The following IMMP2L variants were observed in gnomAD, a reference collection of about 807,000 sequenced individuals.
IMMP2L encodes the protein mitochondrial inner membrane protease subunit 2.
In IMMP2L, 18 loss-of-function variants were observed where a neutral mutation model predicts 19.3. The ratio of observed to expected loss-of-function variants is 0.93; its 90% CI spans 0.64 to 1.38. The LOEUF (loss-of-function observed/expected upper bound fraction) is 1.38, where lower values mean the gene tolerates loss of function less well. Ranked by LOEUF, IMMP2L falls within the 40% of genes most tolerant of loss-of-function variation. IMMP2L has a pLI of 0.00. For missense variants in IMMP2L, 233 were observed against 218.2 expected, an observed-to-expected ratio of 1.07 and a Z score of -0.43; for synonymous variants, 76 against 73.0, an observed-to-expected ratio of 1.04 and a Z score of -0.21.
intron 2 of IMMP2L, among the ~76,000 whole-genome samples, chr7:111,487,808 A>G (rs1203377965): frequency 6.6e-6 from 1 of 152,134 alleles, no homozygotes; most frequent in Admixed American, 6.5e-5. Context: ...GGGGCAAAAG[A>G]AAGATGTGAT....
In IMMP2L at chr7:111,023,488, A is replaced by G. The variant is rs111562378; in HGVS notation, c.240-59923T>C. Among the ~76,000 whole-genome samples, 91 of 151,672 alleles carry G rather than the reference A, an allele frequency of 6.0e-4. 1 individual carries two copies. Among genetic ancestry groups the G allele is most frequent in the African/African-American group, 2.1e-3 (86 of 41,336 alleles). On this transcript the variant is annotated intron_variant, in intron 3 of 5. Transcript: ENST00000405709. ...GGCCAAGGTGGGTGGATCACCTGAG[A>G]TCAGGAGTTCAAGACCAGCCTGGCC...
chr7:111,444,067 T>C (rs959895802), intron 3 of IMMP2L, among the ~76,000 whole-genome samples: 4 of 152,160 alleles, frequency 2.6e-5, no homozygotes, highest in East Asian at 1.9e-4. Context: ...TCTTTAAATG[T>C]TGTGTTTCTA....
intron 3 of IMMP2L, among the ~76,000 whole-genome samples, chr7:111,085,778 A>G (rs940065100): frequency 3.9e-5 from 6 of 152,368 alleles, no homozygotes; most frequent in East Asian, 1.9e-4. Context: ...AATGTGGTAC[A>G]TAAACACCAA....
chr7:111,186,886 T>C (rs571198219), intron 3 of IMMP2L, among the ~76,000 whole-genome samples: 1 of 152,200 alleles, frequency 6.6e-6, no homozygotes, highest in African/African-American at 2.4e-5. Flanking sequence ...CACATTTACT[T>C]TTGAAAACTG....
At chr7:110,915,787 T>C (rs542218580) in intron 4 of IMMP2L, among the ~76,000 whole-genome samples, 7 of 151,486 alleles carry the variant, frequency 4.6e-5, no homozygotes, top group African/African-American at 7.4e-5. Flanking sequence ...AAATAAAACA[T>C]TATACTGCAA....
intron 5 of IMMP2L, among the ~76,000 whole-genome samples, chr7:110,726,842 A>G (rs528817397): frequency 1.3e-5 from 2 of 152,274 alleles, no homozygotes; most frequent in South Asian, 4.1e-4. Context: ...CCAATGCCCA[A>G]ATTACTCTGG....
chr7:111,076,851 T>C (rs1795458927), intron 3 of IMMP2L, among the ~76,000 whole-genome samples: 1 of 152,182 alleles, frequency 6.6e-6, no homozygotes, highest in Non-Finnish European at 1.5e-5. Context: ...CTTACTCTCA[T>C]CTCTCTCCTC....
chr7:111,377,937 CTAACT>C (rs919704492), intron 3 of IMMP2L, among the ~76,000 whole-genome samples: 102 of 151,736 alleles, frequency 6.7e-4, no homozygotes, highest in Middle Eastern at 3.4e-3. Flanking sequence ...ATTAATAATT[CTAACT>C]TAACTTAGTT....
chr7:110,766,521 G>A (rs925505126), intron 5 of IMMP2L, among the ~76,000 whole-genome samples: 1 of 148,248 alleles, frequency 6.7e-6, no homozygotes, highest in Non-Finnish European at 1.5e-5. Flanking sequence ...GAACCCAGGA[G>A]GCCGTAAGCC....
chr7:111,126,358 AG>A (rs1801310155), intron 3 of IMMP2L, among the ~76,000 whole-genome samples: 1 of 152,200 alleles, frequency 6.6e-6, no homozygotes, highest in Admixed American at 6.5e-5. Flanking sequence ...GAAGTTTAAC[AG>A]GTTCGACTTT....
intron 4 of IMMP2L, among the ~76,000 whole-genome samples, chr7:110,939,547 C>T (rs979514047): frequency 1.3e-5 from 2 of 152,110 alleles, no homozygotes; most frequent in Non-Finnish European, 2.9e-5. Flanking sequence ...TTAGTGTTGA[C>T]AACAGCATGA....
chr7:111,354,942 C>G (rs970913889), intron 3 of IMMP2L, among the ~76,000 whole-genome samples: 1 of 151,808 alleles, frequency 6.6e-6, no homozygotes, highest in African/African-American at 2.4e-5. Context: ...GGACCCTAAT[C>G]TCAATAGAAT....
intron 5 of IMMP2L, among the ~76,000 whole-genome samples, chr7:110,821,395 G>A (rs1185718520): frequency 3.3e-5 from 5 of 151,966 alleles, no homozygotes; most frequent in Admixed American, 3.3e-4. Context: ...TGGCATTAAT[G>A]TAATTTCAAT....
intron 1 of IMMP2L, among the ~76,000 whole-genome samples, chr7:111,522,538 C>T (rs1372276795): frequency 6.6e-6 from 1 of 151,940 alleles, no homozygotes; most frequent in Non-Finnish European, 1.5e-5. Context: ...AAATAGCCAA[C>T]AGGTATATGA....
At chr7:111,408,789 T>C (rs2131486432) in intron 3 of IMMP2L, among the ~76,000 whole-genome samples, 1 of 151,882 alleles carries the variant, frequency 6.6e-6, no homozygotes, top group African/African-American at 2.4e-5. Flanking sequence ...TATGAAGGCA[T>C]ATAAATGATC....
intron 3 of IMMP2L, among the ~76,000 whole-genome samples, chr7:111,429,946 G>A (rs533192535): frequency 1.3e-5 from 2 of 151,994 alleles, no homozygotes; most frequent in East Asian, 3.9e-4. Flanking sequence ...AATCAAAGTA[G>A]AAGGCTTAGG....
chr7:111,033,628 G>A (rs1791050711), intron 3 of IMMP2L, among the ~76,000 whole-genome samples: 1 of 152,050 alleles, frequency 6.6e-6, no homozygotes, highest in African/African-American at 2.4e-5. Context: ...ATATTACTCA[G>A]CAATAAAAAG....
At chr7:111,313,019 G>T (rs1004706078) in intron 3 of IMMP2L, among the ~76,000 whole-genome samples, 1 of 152,088 alleles carries the variant, frequency 6.6e-6, no homozygotes, top group Non-Finnish European at 1.5e-5. Flanking sequence ...ACCCCACTAG[G>T]CTGGAGCCCA....
At chr7:110,705,812 G>C (rs976545549) in intron 5 of IMMP2L, among the ~76,000 whole-genome samples, 3 of 151,912 alleles carry the variant, frequency 2.0e-5, no homozygotes, top group Non-Finnish European at 4.4e-5. Context: ...GAGAACAGGC[G>C]ATATTTGGTT....
Sources: gnomAD v4.1 joint callset for allele counts (sites outside exome capture counted in the v4.1 genomes callset) on GRCh38, gnomAD v4.1.1 for gene constraint, MANE v1.5 for transcripts, NCBI Gene and HGNC (gene_info 2026-07-23, HGNC 2026-07-21) for gene names.